DLGAP2: variants seen among roughly 807,000 people sequenced by gnomAD.
DLGAP2 encodes DLG associated protein 2, also known as disks large-associated protein 2.
In DLGAP2, 26 loss-of-function variants were observed where a neutral mutation model predicts 100.3. The ratio of observed to expected loss-of-function variants is 0.26; its 90% CI spans 0.19 to 0.36. The LOEUF (loss-of-function observed/expected upper bound fraction) is 0.36, where lower values mean the gene tolerates loss of function less well. Ranked by LOEUF, DLGAP2 falls within the 10% of genes least tolerant of loss-of-function variation. The probability of loss-of-function intolerance (pLI) is 1.00; values close to 1 mark genes in which losing one functional copy is unlikely to be tolerated. For synonymous variants in DLGAP2, 886 were observed against 630.1 expected (o/e 1.41, Z -6.08); for missense variants, 1,858 against 1,453.2 (o/e 1.28, Z -4.53).
chr8:1,496,444 G>A (rs571651249), intron 3 of DLGAP2, among the ~76,000 whole-genome samples: 44 of 152,134 alleles, frequency 2.9e-4, no homozygotes, highest in African/African-American at 8.7e-4. Flanking sequence ...ACCTGGGCCC[G>A]GGCCTCTGAG....
intron 2 of DLGAP2, among the ~76,000 whole-genome samples, chr8:1,049,449 C>A (rs1039830702): frequency 1.3e-5 from 2 of 152,000 alleles, no homozygotes; most frequent in Non-Finnish European, 2.9e-5. Context: ...TTCTAAACAC[C>A]CTGCTTAACG....
At chr8:1,583,475 C>T (rs1796012478) in intron 6 of DLGAP2, among the ~76,000 whole-genome samples, 1 of 152,206 alleles carries the variant, frequency 6.6e-6, no homozygotes, top group African/African-American at 2.4e-5. Context: ...GTGGCTGTGC[C>T]TCCGTAGGCA....
chr8:1,242,996 G>A (rs188165038), intron 2 of DLGAP2, among the ~76,000 whole-genome samples: 3 of 152,278 alleles, frequency 2.0e-5, no homozygotes, highest in East Asian at 3.9e-4. Flanking sequence ...CCCAAGCATC[G>A]TCTTCTCTGG....
At chr8:1,368,465 C>T (rs1358145287) in intron 3 of DLGAP2, among the ~76,000 whole-genome samples, 2 of 152,014 alleles carry the variant, frequency 1.3e-5, no homozygotes, top group African/African-American at 4.8e-5. Flanking sequence ...CAAAGCTCTC[C>T]CCTATGCTGT....
At chr8:937,582 A>G (rs775691982) in intron 2 of DLGAP2, among the ~76,000 whole-genome samples, 16 of 152,178 alleles carry the variant, frequency 1.1e-4, no homozygotes, top group Non-Finnish European at 1.9e-4. Flanking sequence ...TTCTCCACAC[A>G]GGTCCCTGGA....
chr8:862,877 T>G (rs954494075), intron 1 of DLGAP2, among the ~76,000 whole-genome samples: 19 of 152,328 alleles, frequency 1.2e-4, no homozygotes, highest in Admixed American at 3.9e-4. Context: ...TATATTTTAC[T>G]TATTAACATA....
intron 2 of DLGAP2, among the ~76,000 whole-genome samples, chr8:985,601 A>G (rs1010362567): frequency 5.9e-5 from 9 of 152,252 alleles, no homozygotes; most frequent in East Asian, 3.8e-4. Flanking sequence ...CAAATCATGT[A>G]GGAGGTTTAT....
chr8:1,494,126 C>T (rs1423652616), intron 3 of DLGAP2, among the ~76,000 whole-genome samples: 2 of 152,146 alleles, frequency 1.3e-5, no homozygotes, highest in South Asian at 4.1e-4. Flanking sequence ...ACACAGTGGA[C>T]GAAAGTGGGT....
chr8:1,139,760 T>C (rs1256540813), intron 2 of DLGAP2, among the ~76,000 whole-genome samples: 1 of 152,102 alleles, frequency 6.6e-6, no homozygotes, highest in African/African-American at 2.4e-5. Context: ...GGATGGTGCC[T>C]GGCACAGGGT....
At chr8:1,234,344 G>T (rs62486948) in intron 2 of DLGAP2, among the ~76,000 whole-genome samples, 1 of 152,054 alleles carries the variant, frequency 6.6e-6, no homozygotes, top group East Asian at 1.9e-4. Context: ...AGGGAAGTAC[G>T]TGTTCTAGGC....
At chr8:1,021,290 C>G (rs1171945132) in intron 2 of DLGAP2, among the ~76,000 whole-genome samples, 3 of 152,118 alleles carry the variant, frequency 2.0e-5, no homozygotes, top group African/African-American at 7.2e-5. Flanking sequence ...GCTGCCAGCC[C>G]TAAAATACGA....
At chr8:1,243,858 C>G (rs1438319494) in intron 2 of DLGAP2, among the ~76,000 whole-genome samples, 1 of 152,228 alleles carries the variant, frequency 6.6e-6, no homozygotes, top group African/African-American at 2.4e-5. Flanking sequence ...CCCTGAGTAA[C>G]CTCACTATCC....
intron 13 of DLGAP2, among the ~76,000 whole-genome samples, chr8:1,693,861 T>C (rs1799314140): frequency 1.3e-5 from 2 of 152,212 alleles, no homozygotes; most frequent in South Asian, 4.1e-4. Flanking sequence ...AGCTGCCATG[T>C]CACCTGTGAA....
chr8:1,562,612 C>G (rs375992956), intron 5 of DLGAP2, among the ~76,000 whole-genome samples: 483 of 11,940 alleles, frequency 0.04, 10 homozygotes, highest in African/African-American at 0.081. Flanking sequence ...CCTCGTTGCT[C>G]GGGGACTGTG....
chr8:785,369 G>A (rs1313852641), intron 1 of DLGAP2, among the ~76,000 whole-genome samples: 2 of 150,460 alleles, frequency 1.3e-5, no homozygotes, highest in Non-Finnish European at 3.0e-5. Context: ...CCGGGCCCCT[G>A]CACCTCATGC....
chr8:1,206,426 T>A (rs13261838), intron 2 of DLGAP2, among the ~76,000 whole-genome samples: 2 of 151,328 alleles, frequency 1.3e-5, no homozygotes, highest in Admixed American at 6.6e-5. Context: ...TGTGAGCGGT[T>A]AATCTCCAGC....
intron 1 of DLGAP2, among the ~76,000 whole-genome samples, chr8:868,833 C>G (rs749899163): frequency 1.3e-5 from 2 of 152,228 alleles, no homozygotes; most frequent in African/African-American, 2.4e-5. Context: ...TCACTGCAGG[C>G]TGGACGCGTC....
At chr8:1,509,520 G>T (rs952471546) in intron 4 of DLGAP2, among the ~76,000 whole-genome samples, 4 of 151,882 alleles carry the variant, frequency 2.6e-5, no homozygotes, top group African/African-American at 9.7e-5. Flanking sequence ...GCAATACCTT[G>T]CAGCCATCAG....
chr8:1,086,402 C>T (rs1803975739), intron 2 of DLGAP2, among the ~76,000 whole-genome samples: 1 of 152,042 alleles, frequency 6.6e-6, no homozygotes, highest in Non-Finnish European at 1.5e-5. Context: ...GTGGGTTTGT[C>T]ATATATGGCC....
Sources: gnomAD v4.1 joint callset for allele counts (sites outside exome capture counted in the v4.1 genomes callset) on GRCh38, gnomAD v4.1.1 for gene constraint, MANE v1.5 for transcripts, NCBI Gene and HGNC (gene_info 2026-07-23, HGNC 2026-07-21) for gene names.